Variants in HSD17B2 observed in about 807,000 individuals in gnomAD.
The protein encoded by HSD17B2 is hydroxysteroid 17-beta dehydrogenase 2.
HSD17B2 carries 32 observed loss-of-function variants against 26.9 expected under a neutral mutation model. That is an observed-to-expected ratio of 1.19 (90% CI 0.90 to 1.60). The LOEUF is 1.60. Ranked by LOEUF, HSD17B2 falls within the 40% of genes most tolerant of loss-of-function variation. The pLI is 0.00. For synonymous variants in HSD17B2, 246 were observed against 186.7 expected (o/e 1.32, Z -2.59); for missense variants, 613 against 468.6 (o/e 1.31, Z -2.85).
intron 1 of HSD17B2, among the ~76,000 whole-genome samples, chr16:82,065,344 G>A (rs1032877673): frequency 2.6e-5 from 4 of 152,126 alleles, no homozygotes; most frequent in Non-Finnish European, 5.9e-5. Flanking sequence ...CTGATTGACT[G>A]TTTATGTGCT....
chr16:82,036,412 A>C (rs1317981695), intron 1 of HSD17B2, among the ~76,000 whole-genome samples: 1 of 150,686 alleles, frequency 6.6e-6, no homozygotes, highest in South Asian at 2.1e-4. Context: ...GAGTTGTAAA[A>C]TTTTTGCTTG....
rs1031942139 is a variant in HSD17B2, at chr16:82,036,098, C to T, written c.265+409C>T. On this transcript the variant is annotated intron_variant, in intron 1 of 4. Transcript: ENST00000199936. ...CTCTTCTTCCCTAGGTATGCAAGAA[C>T]GCTTACAAGCCAAGTTCTACTTGTC... is the stretch of plus-strand genomic sequence containing the variant. Among the ~76,000 whole-genome samples, 19 of 152,082 alleles carry T rather than the reference C, an allele frequency of 1.2e-4. 1 individual carries two copies. Among genetic ancestry groups the T allele is most frequent in the African/African-American group, 4.1e-4 (17 of 41,404 alleles).
At chr16:82,095,064 C>G (rs1416089430) in intron 4 of HSD17B2, 2 of 152,138 alleles carry the variant, frequency 1.3e-5, no homozygotes, top group Non-Finnish European at 1.5e-5. Flanking sequence ...TGGCAAAAGG[C>G]TGATGGCTTT....
intron 3 of HSD17B2, among the ~76,000 whole-genome samples, chr16:82,086,896 C>A (rs971751392): frequency 3.3e-5 from 5 of 152,202 alleles, no homozygotes; most frequent in African/African-American, 1.2e-4. Flanking sequence ...AGACAACTAC[C>A]TTCTTGCTGT....
chr16:82,097,839 G>A (rs1904897556), intron 4 of HSD17B2: 1 of 315,240 alleles, frequency 3.2e-6, no homozygotes, highest in African/African-American at 2.1e-5. Flanking sequence ...TCGGGAGGCT[G>A]AGGCAAGAGA....
intron 1 of HSD17B2, among the ~76,000 whole-genome samples, chr16:82,039,582 G>A (rs1159921548): frequency 2.0e-5 from 3 of 152,142 alleles, no homozygotes; most frequent in African/African-American, 2.4e-5. Flanking sequence ...ACTGTCAAGC[G>A]ATGGGATCAA....
At chr16:82,042,984 G>C (rs927092292) in intron 1 of HSD17B2, among the ~76,000 whole-genome samples, 48 of 152,216 alleles carry the variant, frequency 3.2e-4, no homozygotes, top group Non-Finnish European at 6.9e-4. Flanking sequence ...CCAAATGTTA[G>C]CTTCCAACTT....
intron 1 of HSD17B2, among the ~76,000 whole-genome samples, chr16:82,036,710 C>T (rs1913635480): frequency 6.6e-6 from 1 of 151,912 alleles, no homozygotes; most frequent in African/African-American, 2.4e-5. Context: ...TTAGACAAGC[C>T]ACAGAAAAGA....
chr16:82,067,143 A>G (rs868047101), intron 1 of HSD17B2, among the ~76,000 whole-genome samples: 1 of 152,154 alleles, frequency 6.6e-6, no homozygotes, highest in Non-Finnish European at 1.5e-5. Flanking sequence ...GCCCACTCAC[A>G]TACTGATCTT....
chr16:82,064,430 CT>C lies in HSD17B2; in HGVS notation c.266-3733del, dbSNP rs531665697. On this transcript the variant is annotated intron_variant, in intron 1 of 4. Transcript: ENST00000199936. ...TAGTTGATGGATGTTTGGTTAGTTT[CT>C]TTTTTTCTGTTGTTATGAATAATGC... 5.2e-3 allele frequency among the ~76,000 whole-genome samples: 798 copies of C among 152,154 alleles called. 3 individuals carry two copies. The highest frequency in any genetic ancestry group is 8.1e-3 in the Non-Finnish European group (553 of 67,984).
At chr16:82,038,254 T>C (rs974574388) in intron 1 of HSD17B2, among the ~76,000 whole-genome samples, 5 of 152,228 alleles carry the variant, frequency 3.3e-5, no homozygotes, top group Admixed American at 6.5e-5. Flanking sequence ...TAAGCAAGCA[T>C]AGAGTGTTTG....
rs117930583 is a variant in HSD17B2, at chr16:82,064,703, A to G, written c.266-3467A>G. Among the ~76,000 whole-genome samples the G allele has an allele frequency of 9.1e-3, 1,387 of 152,362 alleles. 10 individuals carry two copies. The highest frequency in any genetic ancestry group is 0.017 in the Middle Eastern group (5 of 294). On this transcript the variant is annotated intron_variant, in intron 1 of 4. Coordinates refer to ENST00000199936, the MANE Select transcript of HSD17B2 (RefSeq NM_002153.3). ...AGGAGGATGTGGAATTTCTTAAAGC[A>G]TACATGGGGAAGAGAGCACTTGAGG...
In HSD17B2 at chr16:82,035,302, TG is replaced by T; in HGVS notation, c.-119del. Reference sequence around the variant, plus strand: ...TAATCTATGCTCAGTTGAAAGGGGCTGGGGCTGCTTTCTCCCCTCCCTTCTT... The same window carrying T: ...TAATCTATGCTCAGTTGAAAGGGGCTGGGCTGCTTTCTCCCCTCCCTTCTT... On this transcript the variant is annotated 5_prime_UTR_variant, in exon 1 of 5. It introduces an in-frame stop codon into an upstream open reading frame of the 5' UTR. Transcript: ENST00000199936. 1 of 822,306 alleles carries T rather than the reference TG, an allele frequency of 1.2e-6. No homozygotes were observed. Among genetic ancestry groups the T allele is most frequent in the Non-Finnish European group, 1.9e-6 (1 of 518,890 alleles). 50.9% of individuals were successfully genotyped at this position (822,306 alleles called of 1,614,324 possible). A position where few individuals can be genotyped will look rare whatever the true frequency, so the allele number is the denominator to read the frequency against.
At chr16:82,093,993 A>G (rs1904767053) in intron 4 of HSD17B2, 1 of 152,212 alleles carries the variant, frequency 6.6e-6, no homozygotes, top group South Asian at 2.1e-4. Context: ...ATGCTAATGC[A>G]TTATAAGTAG....
intron 3 of HSD17B2, among the ~76,000 whole-genome samples, chr16:82,077,167 C>T (rs1049178198): frequency 6.6e-6 from 1 of 152,068 alleles, no homozygotes; most frequent in Admixed American, 6.6e-5. Flanking sequence ...AAAAAGAAAT[C>T]CTGAAATTTA....
intron 4 of HSD17B2, chr16:82,091,641 G>A (rs1437633750): frequency 6.3e-6 from 1 of 157,622 alleles, no homozygotes; most frequent in Non-Finnish European, 1.4e-5. Context: ...TTTAGGGAGG[G>A]GCTGGTGTTA....
chr16:82,058,573 C>T (rs1314353680), intron 1 of HSD17B2, among the ~76,000 whole-genome samples: 2 of 152,078 alleles, frequency 1.3e-5, no homozygotes, highest in Admixed American at 1.3e-4. Context: ...GACTTAGTCC[C>T]CTTACATGGG....
chr16:82,090,872 T>G, intron 3 of HSD17B2, 30 bp from the exon 4 acceptor site: 1 of 1,580,366 alleles, frequency 6.3e-7, no homozygotes, highest in South Asian at 1.2e-5. Context: ...ATTTCTAACT[T>G]TGCTTCTTTT....
intron 3 of HSD17B2, among the ~76,000 whole-genome samples, chr16:82,072,224 G>C (rs1597132590): frequency 6.6e-6 from 1 of 152,186 alleles, no homozygotes; most frequent in South Asian, 2.1e-4. Flanking sequence ...GAGAGAGAGA[G>C]AGAGAAAGAG....
Sources: gnomAD v4.1 joint callset for allele counts (sites outside exome capture counted in the v4.1 genomes callset) on GRCh38, gnomAD v4.1.1 for gene constraint, MANE v1.5 for transcripts, NCBI Gene and HGNC (gene_info 2026-07-23, HGNC 2026-07-21) for gene names.